Variants in RGS6 observed in about 807,000 individuals in gnomAD.
The protein encoded by RGS6 is regulator of G-protein signaling 6.
RGS6 carries 30 observed loss-of-function variants against 78.5 expected under a neutral mutation model. The ratio of observed to expected loss-of-function variants is 0.38; its 90% CI spans 0.29 to 0.52. RGS6 has a LOEUF of 0.52. Ranked by LOEUF, RGS6 falls within the 20% of genes least tolerant of loss-of-function variation. RGS6 has a pLI of 0.85. For missense variants in RGS6, 495 were observed against 609.7 expected, an observed-to-expected ratio of 0.81 and a Z score of 1.98; for synonymous variants, 206 against 206.0, an observed-to-expected ratio of 1.00 and a Z score of 0.00.
intron 2 of RGS6, among the ~76,000 whole-genome samples, chr14:72,262,614 G>T (rs1171253539): frequency 1.3e-5 from 2 of 152,208 alleles, no homozygotes; most frequent in East Asian, 1.9e-4. Context: ...CCATAACAGA[G>T]AGGAAGAAAG....
At chr14:72,576,078 T>C in the RGS6 span, among the ~76,000 whole-genome samples, 2 of 152,260 alleles carry the variant, frequency 1.3e-5, no homozygotes, top group South Asian at 4.1e-4. Context: ...GACCCTTCCA[T>C]AGATTCTAGG....
intron 3 of RGS6, among the ~76,000 whole-genome samples, chr14:72,432,160 C>T (rs1219249920): frequency 6.6e-6 from 1 of 152,178 alleles, no homozygotes; most frequent in Non-Finnish European, 1.5e-5. Context: ...CCCTGTTAGA[C>T]ATTGACATAG....
At chr14:72,062,584 A>G (rs2093947281) in intron 2 of RGS6, among the ~76,000 whole-genome samples, 1 of 152,200 alleles carries the variant, frequency 6.6e-6, no homozygotes, top group Admixed American at 6.5e-5. Context: ...TATCTTTTGA[A>G]AATATTGCTA....
At chr14:72,056,193 GA>G (rs1005852487) in intron 2 of RGS6, among the ~76,000 whole-genome samples, 4 of 152,126 alleles carry the variant, frequency 2.6e-5, no homozygotes, top group African/African-American at 9.7e-5. Flanking sequence ...CAGATGGGGG[GA>G]TGTGAAGCCC....
chr14:72,622,016 T>C, the RGS6 span, among the ~76,000 whole-genome samples: 3 of 152,136 alleles, frequency 2.0e-5, no homozygotes, highest in Admixed American at 6.5e-5. Flanking sequence ...TTGGGATTCA[T>C]TGTAATTAGA....
At chr14:72,102,142 T>A (rs985099172) in intron 2 of RGS6, among the ~76,000 whole-genome samples, 25 of 152,216 alleles carry the variant, frequency 1.6e-4, no homozygotes, top group African/African-American at 5.3e-4. Context: ...TCTGGGTATA[T>A]TGAAGACATC....
chr14:72,622,741 A>T, the RGS6 span, among the ~76,000 whole-genome samples: 1 of 151,976 alleles, frequency 6.6e-6, no homozygotes, highest in African/African-American at 2.4e-5. Context: ...ACTATCCAGG[A>T]ACCAGGAATC....
chr14:72,190,175 A>G (rs926100064), intron 2 of RGS6, among the ~76,000 whole-genome samples: 6 of 152,018 alleles, frequency 3.9e-5, no homozygotes, highest in Non-Finnish European at 7.4e-5. Context: ...TTGCAGCTTC[A>G]TGGTTCCTCC....
intron 3 of RGS6, among the ~76,000 whole-genome samples, chr14:72,382,538 G>A (rs1803394829): frequency 6.6e-6 from 1 of 152,172 alleles, no homozygotes. Flanking sequence ...TTGTGGTGAT[G>A]CCTATGGAAG....
chr14:72,540,255 G>A (rs1458602442), intron 17 of RGS6, 161 bp downstream of exon 17: 1 of 1,539,482 alleles, frequency 6.5e-7, no homozygotes, highest in South Asian at 1.2e-5. Context: ...GCGAGTGTCT[G>A]CAGCTTCTCT....
At chr14:72,266,234 G>T (rs1316285847) in intron 2 of RGS6, among the ~76,000 whole-genome samples, 1 of 152,206 alleles carries the variant, frequency 6.6e-6, no homozygotes, top group Admixed American at 6.5e-5. Flanking sequence ...TGGCTGGAAG[G>T]CATGTTCAGC....
intron 3 of RGS6, among the ~76,000 whole-genome samples, chr14:72,379,418 T>C (rs1186416326): frequency 1.3e-5 from 2 of 152,082 alleles, no homozygotes; most frequent in Non-Finnish European, 2.9e-5. Flanking sequence ...CATGAACTTA[T>C]ATGTAGAAAA....
At chr14:71,877,648 G>A in the RGS6 span, among the ~76,000 whole-genome samples, 2 of 152,170 alleles carry the variant, frequency 1.3e-5, no homozygotes, top group African/African-American at 4.8e-5. Context: ...AGAGAAGTTT[G>A]TTATTACCGA....
At chr14:71,875,776 G>C in the RGS6 span, among the ~76,000 whole-genome samples, 14 of 152,060 alleles carry the variant, frequency 9.2e-5, no homozygotes, top group Non-Finnish European at 1.5e-5. Flanking sequence ...TCTCTTGTGG[G>C]CATTTAGTGC....
intron 12 of RGS6, among the ~76,000 whole-genome samples, chr14:72,479,819 T>G (rs740535): frequency 0.64 from 96,676 of 151,976 alleles, 31,184 homozygotes; most frequent in East Asian, 0.96. Context: ...ACTCTCTTGG[T>G]GTCATCCATG....
the RGS6 span, among the ~76,000 whole-genome samples, chr14:71,876,900 G>A: frequency 1.3e-5 from 2 of 152,062 alleles, no homozygotes; most frequent in African/African-American, 2.4e-5. Flanking sequence ...GCATTTGCTT[G>A]TCTGTAAAGG....
chr14:72,415,791 C>G (rs929796168), intron 3 of RGS6, among the ~76,000 whole-genome samples: 3 of 152,222 alleles, frequency 2.0e-5, no homozygotes, highest in Non-Finnish European at 4.4e-5. Flanking sequence ...TTGAATTTTA[C>G]TCCTCTCTGT....
chr14:72,101,366 C>G (rs2095524109), intron 2 of RGS6, among the ~76,000 whole-genome samples: 1 of 152,190 alleles, frequency 6.6e-6, no homozygotes. Context: ...CAAAAGTAAG[C>G]ATTGATGTGT....
intron 10 of RGS6, among the ~76,000 whole-genome samples, chr14:72,475,830 G>GCGCACACACACACACACA (rs113920568): frequency 2.1e-5 from 3 of 145,606 alleles, no homozygotes; most frequent in East Asian, 2.1e-4. Flanking sequence ...AAAAATACAC[G>GCGCACACACACACACACA]CACACACACA....
Sources: gnomAD v4.1 joint callset for allele counts (sites outside exome capture counted in the v4.1 genomes callset) on GRCh38, gnomAD v4.1.1 for gene constraint, MANE v1.5 for transcripts, NCBI Gene and HGNC (gene_info 2026-07-23, HGNC 2026-07-21) for gene names.